The following SLC4A5 variants were observed in gnomAD, a reference collection of about 807,000 sequenced individuals.
SLC4A5 encodes solute carrier family 4 member 5.
SLC4A5 carries 96 observed loss-of-function variants against 120.4 expected under a neutral mutation model. The ratio of observed to expected loss-of-function variants is 0.80; its 90% CI spans 0.68 to 0.94. The LOEUF is 0.94. Among genes scored for constraint, SLC4A5 ranks in the 40% least tolerant of loss-of-function variants. The probability of loss-of-function intolerance (pLI) is 0.00; values close to 1 mark genes in which losing one functional copy is unlikely to be tolerated. For synonymous variants in SLC4A5, 550 were observed against 571.1 expected, an observed-to-expected ratio of 0.96 and a Z score of 0.53; for missense variants, 1,259 against 1,459.5, an observed-to-expected ratio of 0.86 and a Z score of 2.24.
intron 7 of SLC4A5, among the ~76,000 whole-genome samples, chr2:74,298,684 C>T (rs1672396870): frequency 6.6e-6 from 1 of 152,116 alleles, no homozygotes; most frequent in African/African-American, 2.4e-5. Flanking sequence ...CTGATAAGGG[C>T]TTCATACCCA....
At chr2:74,312,121 C>A (rs973080965) in intron 6 of SLC4A5, among the ~76,000 whole-genome samples, 1 of 152,062 alleles carries the variant, frequency 6.6e-6, no homozygotes, top group African/African-American at 2.4e-5. Flanking sequence ...AATTAAGATA[C>A]CTATTCTTGC....
At chr2:74,239,958 T>G (rs998200775) in intron 20 of SLC4A5, among the ~76,000 whole-genome samples, 1 of 151,676 alleles carries the variant, frequency 6.6e-6, no homozygotes, top group Admixed American at 6.6e-5. Context: ...TTCCCCACCT[T>G]GGTGTCTCAG....
intron 6 of SLC4A5, among the ~76,000 whole-genome samples, chr2:74,306,524 C>T (rs376022400): frequency 2.0e-5 from 3 of 152,168 alleles, no homozygotes; most frequent in East Asian, 3.8e-4. Context: ...AGCCACTTTT[C>T]GTGTTTCTTT....
At chr2:74,272,525 A>T (rs1671508749) in intron 8 of SLC4A5, among the ~76,000 whole-genome samples, 1 of 152,188 alleles carries the variant, frequency 6.6e-6, no homozygotes, top group African/African-American at 2.4e-5. Flanking sequence ...GGTCAAGTGG[A>T]AAGAAAATCT....
chr2:74,247,428 C>T (rs554733101), intron 18 of SLC4A5, 121 bp from the exon 19 acceptor site: 3 of 1,015,124 alleles, frequency 3.0e-6, no homozygotes, highest in East Asian at 5.2e-5. Flanking sequence ...CTCCCAGGGA[C>T]TGTGAAAGAC....
intron 6 of SLC4A5, among the ~76,000 whole-genome samples, 197 bp from the exon 7 acceptor site, chr2:74,304,877 A>C (rs1265588311): frequency 1.3e-5 from 2 of 152,178 alleles, no homozygotes; most frequent in Non-Finnish European, 2.9e-5. Flanking sequence ...GCTGGAGGGA[A>C]TACCCTCAGT....
At chr2:74,332,442 A>G (rs1196848280) in intron 4 of SLC4A5, among the ~76,000 whole-genome samples, 1 of 152,164 alleles carries the variant, frequency 6.6e-6, no homozygotes, top group Non-Finnish European at 1.5e-5. Context: ...ATCTTCAGGC[A>G]TCTTCCTCTT....
intron 5 of SLC4A5, among the ~76,000 whole-genome samples, chr2:74,327,413 T>G (rs1673242324): frequency 6.6e-6 from 1 of 152,190 alleles, no homozygotes; most frequent in Non-Finnish European, 1.5e-5. Context: ...CACGGGGTCA[T>G]GCTGGGCTTT....
intron 5 of SLC4A5, among the ~76,000 whole-genome samples, chr2:74,327,825 A>G (rs1455880676): frequency 6.6e-6 from 1 of 152,238 alleles, no homozygotes; most frequent in East Asian, 1.9e-4. Context: ...TGAGAACAAG[A>G]TAGAACTAAC....
rs1426656636 is a variant in SLC4A5 at position 74,244,503 on chromosome 2, CTTTT to C, written c.2060-2455_2060-2452del. Among the ~76,000 whole-genome samples the C allele has an allele frequency of 4.5e-5, 6 of 134,444 alleles. No homozygotes were observed. The South Asian group carries it at 8.8e-4, about 20-fold the overall frequency. 88.2% of individuals were successfully genotyped at this position (134,444 alleles called of 152,430 possible). ...CTTCTCCTTTCTCTCTCCCTTCCTT[CTTTT>C]CTTTCCCCTTTCTTTCTCTTTCTTT... On this transcript the variant is annotated intron_variant, in intron 19 of 30. Transcript: ENST00000394019.
At chr2:74,315,074 T>G in intron 5 of SLC4A5, 49 bp from the exon 6 acceptor site, 1 of 1,478,384 alleles carries the variant, frequency 6.8e-7, no homozygotes, top group Non-Finnish European at 9.5e-7. Context: ...TTAAAAAGGG[T>G]AGGATTTCAA....
chr2:74,310,534 C>T (rs538470997), intron 6 of SLC4A5, among the ~76,000 whole-genome samples: 1 of 152,172 alleles, frequency 6.6e-6, no homozygotes, highest in African/African-American at 2.4e-5. Flanking sequence ...TTGTCAAATG[C>T]TTTTTCTGCA....
chr2:74,283,495 C>T (rs1405656261), intron 8 of SLC4A5, among the ~76,000 whole-genome samples: 2 of 152,228 alleles, frequency 1.3e-5, no homozygotes, highest in Non-Finnish European at 2.9e-5. Flanking sequence ...TTTACTAGTA[C>T]ACCCAGTGGC....
At chr2:74,254,822 T>C in intron 13 of SLC4A5, 116 bp from the exon 14 acceptor site, 1 of 767,108 alleles carries the variant, frequency 1.3e-6, no homozygotes, top group Non-Finnish European at 2.1e-6. Flanking sequence ...TATGCATTTT[T>C]TTTTTTTTTT....
intron 6 of SLC4A5, among the ~76,000 whole-genome samples, chr2:74,313,160 T>C (rs1409092162): frequency 6.6e-6 from 1 of 151,758 alleles, no homozygotes; most frequent in Admixed American, 6.6e-5. Flanking sequence ...GCTTGGACTA[T>C]AGGCACATGC....
chr2:74,234,115 C>G (rs1440613816), intron 22 of SLC4A5, among the ~76,000 whole-genome samples: 1 of 151,404 alleles, frequency 6.6e-6, no homozygotes, highest in Non-Finnish European at 1.5e-5. Flanking sequence ...AGGGTAAGTT[C>G]TAGAATCTGG....
At chr2:74,308,164 T>C (rs987885438) in intron 6 of SLC4A5, among the ~76,000 whole-genome samples, 1 of 152,260 alleles carries the variant, frequency 6.6e-6, no homozygotes, top group Non-Finnish European at 1.5e-5. Context: ...GTTTTGGTGA[T>C]AATGAATAGT....
intron 7 of SLC4A5, among the ~76,000 whole-genome samples, chr2:74,291,953 G>A (rs1313125432): frequency 2.0e-5 from 3 of 152,078 alleles, no homozygotes; most frequent in Admixed American, 1.3e-4. Context: ...AAAAAAGATG[G>A]CCAAGGATCC....
At chr2:74,258,791 A>C (rs992827614) in intron 12 of SLC4A5, among the ~76,000 whole-genome samples, 3 of 152,138 alleles carry the variant, frequency 2.0e-5, no homozygotes, top group Non-Finnish European at 4.4e-5. Flanking sequence ...TGTTGTTATT[A>C]ATTTATTTGT....
Sources: gnomAD v4.1 joint callset for allele counts (sites outside exome capture counted in the v4.1 genomes callset) on GRCh38, gnomAD v4.1.1 for gene constraint, MANE v1.5 for transcripts, NCBI Gene and HGNC (gene_info 2026-07-23, HGNC 2026-07-21) for gene names.